Variants in NCAM1 observed in about 807,000 individuals in gnomAD.
NCAM1 encodes the protein neural cell adhesion molecule 1.
A neutral mutation model predicts 109.8 loss-of-function variants in NCAM1; 14 were observed. The observed-to-expected ratio is 0.13, with a 90% CI of 0.08 to 0.20. NCAM1 has a LOEUF of 0.20. Ranked by LOEUF, NCAM1 falls within the 10% of genes least tolerant of loss-of-function variation. NCAM1 has a pLI of 1.00. For synonymous variants in NCAM1, 418 were observed against 442.9 expected (o/e 0.94, Z 0.70); for missense variants, 774 against 1,109.9 (o/e 0.70, Z 4.30).
At chr11:113,193,675 GAGAAAC>G (rs1943763690) in intron 1 of NCAM1, among the ~76,000 whole-genome samples, 1 of 151,902 alleles carries the variant, frequency 6.6e-6, no homozygotes, top group African/African-American at 2.4e-5. Context: ...AAAAGAAAGA[GAGAAAC>G]AGAGAAAGAG....
intron 1 of NCAM1, among the ~76,000 whole-genome samples, chr11:113,072,307 A>G (rs1348155786): frequency 1.3e-5 from 2 of 152,242 alleles, no homozygotes; most frequent in Non-Finnish European, 2.9e-5. Flanking sequence ...AGGAAGCCAA[A>G]GGGCACTGTC....
chr11:112,977,213 T>C (rs1191102696), intron 1 of NCAM1: 1 of 151,880 alleles, frequency 6.6e-6, no homozygotes, highest in Admixed American at 6.6e-5. Context: ...TTATTTTCTT[T>C]GTAGCATTGT....
rs782400741 is a variant in NCAM1, at chr11:112,961,563, G to T, written c.-50G>T. 4 of 1,175,446 alleles carry T rather than the reference G, an allele frequency of 3.4e-6. No individual in the cohort carries two copies. Among genetic ancestry groups the T allele is most frequent in the Non-Finnish European group, 5.1e-6 (4 of 781,178 alleles). 72.8% of individuals were successfully genotyped at this position (1,175,446 alleles called of 1,614,324 possible). A position where few individuals can be genotyped will look rare whatever the true frequency, so the allele number is the denominator to read the frequency against. On this transcript the variant is annotated 5_prime_UTR_variant, in exon 1 of 20. Coordinates refer to ENST00000316851, the MANE Select transcript of NCAM1 (RefSeq NM_181351.5). ...CGTCCACACTCGCTGCAGGGGGGGG[G>T]GCACAGAATTTACCGCGGCAAGAAC...
At chr11:112,992,179 G>T (rs7129926) in intron 1 of NCAM1, among the ~76,000 whole-genome samples, 28,562 of 151,822 alleles carry the variant, frequency 0.19, 3,033 homozygotes, top group East Asian at 0.27. Flanking sequence ...TTCAATATGA[G>T]ATTTTTCTTT....
At chr11:113,224,621 G>A (rs1038154954) in intron 9 of NCAM1, among the ~76,000 whole-genome samples, 5 of 152,224 alleles carry the variant, frequency 3.3e-5, no homozygotes, top group African/African-American at 4.8e-5. Flanking sequence ...ATCCGAGAAC[G>A]GACAGACTGC....
intron 1 of NCAM1, among the ~76,000 whole-genome samples, chr11:113,111,894 C>G (rs539191384): frequency 2.0e-5 from 3 of 152,056 alleles, no homozygotes; most frequent in Non-Finnish European, 4.4e-5. Flanking sequence ...TTTGAATAAA[C>G]GTATTCATTA....
intron 1 of NCAM1, among the ~76,000 whole-genome samples, chr11:113,032,305 A>G (rs1294042077): frequency 6.6e-6 from 1 of 152,112 alleles, no homozygotes; most frequent in Non-Finnish European, 1.5e-5. Context: ...AGGGTATGCC[A>G]TCTACTGAAA....
At chr11:113,268,809 TGGCCTGGTGCTTGGCAAA>T (rs566608375) in intron 17 of NCAM1, among the ~76,000 whole-genome samples, 3 of 152,202 alleles carry the variant, frequency 2.0e-5, no homozygotes, top group Non-Finnish European at 4.4e-5. Context: ...CTGCTGAGCC[TGGCCTGGTGCTTGGCAAA>T]GCCTAGCGAG....
At chr11:113,089,589 C>T (rs1420119034) in intron 1 of NCAM1, among the ~76,000 whole-genome samples, 1 of 152,094 alleles carries the variant, frequency 6.6e-6, no homozygotes, top group Non-Finnish European at 1.5e-5. Flanking sequence ...CAGCACCGTG[C>T]CTGGCTATGC....
rs782254487 is a variant in NCAM1, at chr11:112,961,649, T to A, written c.37T>A (p.Phe13Ile). 1 of 1,496,396 alleles carries A rather than the reference T, an allele frequency of 6.7e-7. No individual in the cohort carries two copies. The highest frequency in any genetic ancestry group is 2.3e-5 in the East Asian group (1 of 43,920). The allele number at this position is 1,496,396 out of a possible 1,614,324, so 92.7% of individuals were successfully genotyped here. A position where few individuals can be genotyped will look rare whatever the true frequency, so the allele number is the denominator to read the frequency against. ...TAAGGATCTCATCTGGACTTTGTTT[T>A]TCCTGGGAACTGCAGGTACATTTTT... is the stretch of plus-strand genomic sequence containing the variant. The part of the protein sequence containing the change: ...QTKDLIWTLF[F>I]LGTAVSLQVD... The change falls in exon 1 of 20, where the codon TTC becomes ATC. Residue 13 changes from phenylalanine (F) to isoleucine (I), a missense_variant. Phe to Ile is a conservative substitution (Grantham distance 21). This residue lies in a region of NCAM1 where 112 missense variants were observed against 142.0 expected (regional missense o/e 0.79). Transcript: ENST00000316851.
chr11:113,220,370 C>T (rs1944650373), intron 8 of NCAM1, among the ~76,000 whole-genome samples: 1 of 152,122 alleles, frequency 6.6e-6, no homozygotes, highest in Admixed American at 6.5e-5. Flanking sequence ...CAACCACTTC[C>T]ATTTGGTATC....
At chr11:113,204,854 G>A (rs1555112581) in intron 3 of NCAM1, among the ~76,000 whole-genome samples, 1 of 152,144 alleles carries the variant, frequency 6.6e-6, no homozygotes, top group Non-Finnish European at 1.5e-5. Context: ...GGAGCCCAGG[G>A]CTCAGTGGGG....
chr11:113,128,108 C>T (rs987204534), intron 1 of NCAM1, among the ~76,000 whole-genome samples: 2 of 152,180 alleles, frequency 1.3e-5, no homozygotes, highest in Non-Finnish European at 1.5e-5. Context: ...ATTACTTAAT[C>T]CGTGCACCAT....
chr11:113,235,178 G>A lies in NCAM1; in HGVS notation c.1825+14G>A. The A allele has an allele frequency of 6.2e-7, 1 of 1,613,904 alleles. No individual in the cohort carries two copies. The highest frequency in any genetic ancestry group is 8.5e-7 in the Non-Finnish European group (1 of 1,179,822). ...CGCAGCCAGTCCGTAAGTAAAGCCA[G>A]CTGCCCCCCTTTTCCCAGCCCACCT... is the stretch of plus-strand genomic sequence containing the variant. On this transcript the variant is annotated intron_variant, in intron 14 of 19. Transcript: ENST00000316851.
intron 1 of NCAM1, among the ~76,000 whole-genome samples, chr11:113,178,289 ATAAC>A (rs1555107410): frequency 6.6e-6 from 1 of 152,152 alleles, no homozygotes; most frequent in East Asian, 1.9e-4. Flanking sequence ...GAAGAGTAAA[ATAAC>A]TAAGGATGGG....
At position 113,268,851 on chromosome 11, in the gene NCAM1, G is replaced by C. The variant is rs201722905; in HGVS notation, c.2132-1337G>C. Among the ~76,000 whole-genome samples, 19 of 152,296 alleles carry C rather than the reference G, an allele frequency of 1.2e-4. No individual in the cohort carries two copies. The East Asian group carries it at 3.1e-3, about 25-fold the overall frequency. ...AAGCCTAGCGAGCTGGGTTGGGAGT[G>C]GGGTGGCTGGTGGGGTGAGCCCCAG... On this transcript the variant is annotated intron_variant, in intron 17 of 19. Coordinates refer to ENST00000316851, the MANE Select transcript of NCAM1 (RefSeq NM_181351.5).
intron 1 of NCAM1, among the ~76,000 whole-genome samples, chr11:113,171,452 C>A (rs563112105): frequency 2.6e-5 from 4 of 151,962 alleles, no homozygotes; most frequent in African/African-American, 9.7e-5. Context: ...GCCAAGATGG[C>A]GAAACCCCGT....
chr11:113,118,493 T>G (rs1267947214), intron 1 of NCAM1, among the ~76,000 whole-genome samples: 1 of 151,972 alleles, frequency 6.6e-6, no homozygotes, highest in Non-Finnish European at 1.5e-5. Flanking sequence ...TCGGTGCTTT[T>G]GAGAATGAAA....
chr11:113,133,306 G>C (rs1445606256), intron 1 of NCAM1: 1 of 152,140 alleles, frequency 6.6e-6, no homozygotes, highest in African/African-American at 2.4e-5. Flanking sequence ...ATGTTATTAG[G>C]AGCACACTCT....
Sources: gnomAD v4.1 joint callset for allele counts (sites outside exome capture counted in the v4.1 genomes callset) on GRCh38, gnomAD v4.1.1 for gene constraint, gnomAD v4.1.1 regional missense constraint, MANE v1.5 for transcripts, NCBI Gene and HGNC (gene_info 2026-07-23, HGNC 2026-07-21) for gene names.